CCDC85A: variants seen among roughly 807,000 people sequenced by gnomAD.
The protein encoded by CCDC85A is coiled-coil domain containing 85A.
Under a neutral mutation model 50.2 loss-of-function variants are expected in CCDC85A, and 38 were observed. The ratio of observed to expected loss-of-function variants is 0.76; its 90% CI spans 0.58 to 0.99. The LOEUF (loss-of-function observed/expected upper bound fraction) is 0.99. Among genes scored for constraint, CCDC85A ranks in the 50% least tolerant of loss-of-function variants. CCDC85A has a pLI of 0.00. For synonymous variants in CCDC85A, 366 were observed against 301.4 expected (o/e 1.21, Z -2.22); for missense variants, 820 against 742.0 (o/e 1.11, Z -1.22).
intron 2 of CCDC85A, among the ~76,000 whole-genome samples, chr2:56,292,723 A>G (rs760864239): frequency 6.6e-6 from 1 of 152,168 alleles, no homozygotes; most frequent in Non-Finnish European, 1.5e-5. Flanking sequence ...TCATTTGTAC[A>G]TACTTCTTCT....
At chr2:56,252,765 A>G (rs997961613) in intron 2 of CCDC85A, among the ~76,000 whole-genome samples, 2 of 151,498 alleles carry the variant, frequency 1.3e-5, no homozygotes, top group Admixed American at 1.3e-4. Flanking sequence ...TCGTTGCTCA[A>G]CTCCCACCTA....
intron 2 of CCDC85A, among the ~76,000 whole-genome samples, chr2:56,209,541 G>A (rs970254194): frequency 6.6e-6 from 1 of 151,292 alleles, no homozygotes; most frequent in East Asian, 2.0e-4. Flanking sequence ...TTGGGGCAAA[G>A]GTTTTAATCT....
chr2:56,269,308 T>C (rs536179272), intron 2 of CCDC85A, among the ~76,000 whole-genome samples: 2 of 149,318 alleles, frequency 1.3e-5, no homozygotes, highest in South Asian at 2.2e-4. Context: ...AAAATGCCCA[T>C]GCACACTACC....
chr2:56,287,003 G>T (rs1237371907), intron 2 of CCDC85A, among the ~76,000 whole-genome samples: 1 of 152,088 alleles, frequency 6.6e-6, no homozygotes, highest in East Asian at 1.9e-4. Context: ...TTCTCCAAGG[G>T]GTGCCCTTTC....
intron 2 of CCDC85A, among the ~76,000 whole-genome samples, chr2:56,294,465 T>G (rs1053701493): frequency 6.6e-6 from 1 of 152,186 alleles, no homozygotes; most frequent in Non-Finnish European, 1.5e-5. Flanking sequence ...AAAATCAGAT[T>G]TCCAAGTCAT....
At chr2:56,266,952 C>G (rs149913321) in intron 2 of CCDC85A, among the ~76,000 whole-genome samples, 1 of 152,132 alleles carries the variant, frequency 6.6e-6, no homozygotes, top group Non-Finnish European at 1.5e-5. Context: ...AGCTGCCAGA[C>G]CCATTCCCTA....
At chr2:56,188,082 CGAAGTGG>C (rs1216803956) in intron 1 of CCDC85A, among the ~76,000 whole-genome samples, 2 of 152,174 alleles carry the variant, frequency 1.3e-5, no homozygotes, top group African/African-American at 4.8e-5. Flanking sequence ...TGGTGTGCTA[CGAAGTGG>C]ACTTAACCTT....
chr2:56,232,976 C>A (rs1668839081), intron 2 of CCDC85A, among the ~76,000 whole-genome samples: 1 of 152,172 alleles, frequency 6.6e-6, no homozygotes, highest in Non-Finnish European at 1.5e-5. Flanking sequence ...TCTGCCTTGC[C>A]TGCAGTGCTC....
At chr2:56,223,875 T>A (rs1304301826) in intron 2 of CCDC85A, among the ~76,000 whole-genome samples, 1 of 152,072 alleles carries the variant, frequency 6.6e-6, no homozygotes, top group East Asian at 1.9e-4. Context: ...CCACTTCAAC[T>A]CTCTGATGGC....
intron 2 of CCDC85A, among the ~76,000 whole-genome samples, chr2:56,333,348 C>G (rs556313434): frequency 7.2e-5 from 11 of 152,176 alleles, no homozygotes; most frequent in African/African-American, 2.6e-4. Flanking sequence ...GAGGGTACAA[C>G]TAAGGCAAAG....
At chr2:56,289,620 G>A (rs866101682) in intron 2 of CCDC85A, among the ~76,000 whole-genome samples, 5 of 152,072 alleles carry the variant, frequency 3.3e-5, no homozygotes, top group Admixed American at 6.5e-5. Context: ...TGAGAGGTGA[G>A]GCGGAGATGT....
intron 2 of CCDC85A, among the ~76,000 whole-genome samples, chr2:56,340,104 G>A (rs940378683): frequency 8.5e-5 from 13 of 152,162 alleles, no homozygotes; most frequent in African/African-American, 3.1e-4. Context: ...GGGGCTTTCT[G>A]CACACTATTT....
intron 2 of CCDC85A, among the ~76,000 whole-genome samples, chr2:56,239,733 G>A (rs969302): frequency 0.2 from 30,094 of 152,042 alleles, 3,134 homozygotes; most frequent in East Asian, 0.28. Flanking sequence ...AAAAAGGCAT[G>A]TTCTGCCCTC....
At chr2:56,256,238 G>T (rs1184740686) in intron 2 of CCDC85A, among the ~76,000 whole-genome samples, 1 of 152,122 alleles carries the variant, frequency 6.6e-6, no homozygotes, top group East Asian at 1.9e-4. Flanking sequence ...ATTGTGCATT[G>T]GCTATTATAT....
chr2:56,203,860 A>G (rs1490639367), intron 2 of CCDC85A, among the ~76,000 whole-genome samples: 1 of 152,206 alleles, frequency 6.6e-6, no homozygotes, highest in Non-Finnish European at 1.5e-5. Flanking sequence ...ACACTTTAAA[A>G]TAATTGACTT....
intron 2 of CCDC85A, among the ~76,000 whole-genome samples, chr2:56,290,725 T>G (rs139977717): frequency 4.3e-4 from 66 of 152,356 alleles, no homozygotes; most frequent in Non-Finnish European, 8.2e-4. Context: ...CAAAAGGACA[T>G]CTCTCAAGAA....
intron 2 of CCDC85A, among the ~76,000 whole-genome samples, chr2:56,322,181 A>G (rs528456241): frequency 2.6e-5 from 4 of 152,368 alleles, no homozygotes; most frequent in Admixed American, 1.3e-4. Context: ...ACCTAAAGCC[A>G]TAAAAACTCT....
chr2:56,303,352 G>C (rs1672292182), intron 2 of CCDC85A, among the ~76,000 whole-genome samples: 1 of 152,152 alleles, frequency 6.6e-6, no homozygotes, highest in Admixed American at 6.6e-5. Flanking sequence ...TGGACGATGA[G>C]AACCCAGGGG....
rs149548141 is a variant in CCDC85A at position 56,258,395 on chromosome 2, T to A, written c.1240+64955T>A. The stretch of plus-strand genomic sequence containing the variant: ...GGGTGGTATAAAAGGAAAGACAGTG[T>A]GTTTTTCCATGTCAGCAGATAGGCC... On this transcript the variant is annotated intron_variant, in intron 2 of 5. Transcript: ENST00000407595. 5.9e-5 allele frequency among the ~76,000 whole-genome samples: 9 copies of A among 152,282 alleles called. No homozygotes were observed. In the East Asian group the frequency reaches 1.7e-3, roughly 29 times the overall value.
Sources: gnomAD v4.1 joint callset for allele counts (sites outside exome capture counted in the v4.1 genomes callset) on GRCh38, gnomAD v4.1.1 for gene constraint, MANE v1.5 for transcripts, NCBI Gene and HGNC (gene_info 2026-07-23, HGNC 2026-07-21) for gene names.